The following DSCAM variants were observed in gnomAD, a reference collection of about 807,000 sequenced individuals.
The protein encoded by DSCAM is cell adhesion molecule DSCAM.
Under a neutral mutation model 217.7 loss-of-function variants are expected in DSCAM, and 47 were observed. That is an observed-to-expected ratio of 0.22 (90% confidence interval 0.17 to 0.28). The LOEUF is 0.28. Ranked by LOEUF, DSCAM falls within the 10% of genes least tolerant of loss-of-function variation. The probability of loss-of-function intolerance (pLI) is 1.00; values close to 1 mark genes in which losing one functional copy is unlikely to be tolerated. For missense variants in DSCAM, 2,080 were observed against 2,618.3 expected (o/e 0.79, Z 4.49); for synonymous variants, 1,056 against 1,015.3 (o/e 1.04, Z -0.76).
intron 3 of DSCAM, among the ~76,000 whole-genome samples, chr21:40,476,475 A>G (rs1432645591): frequency 6.6e-6 from 1 of 152,250 alleles, no homozygotes; most frequent in Non-Finnish European, 1.5e-5. Flanking sequence ...TATCATAATA[A>G]TATTGATGAT....
chr21:40,312,335 T>C lies in DSCAM; in HGVS notation c.1808A>G (p.Glu603Gly). The change falls in exon 9 of 33, where the codon GAG (glutamate) becomes GGG (glycine). Residue 603 changes from glutamate to glycine, a missense_variant. Around this residue, in one of 5 missense-constraint regions of DSCAM, gnomAD observed 218 missense variants for 364.1 expected, o/e 0.60. Transcript: ENST00000400454. Reference protein sequence around the residue: ...VKVPPFIQPFEFPRFSIGQRV... With the variant: ...VKVPPFIQPFGFPRFSIGQRV... ...CTGCCCAATGGAGAATCTTGGAAACTCAAAGGGTTGTATGAAAGGCGGAAC... is the reference window on the plus strand; with the variant it reads ...CTGCCCAATGGAGAATCTTGGAAACCCAAAGGGTTGTATGAAAGGCGGAAC... The C allele has an allele frequency of 6.2e-7, 1 of 1,613,906 alleles. No homozygotes were observed. The highest frequency in any genetic ancestry group is 1.3e-5 in the African/African-American group (1 of 75,004).
At chr21:40,243,956 C>A (rs928675478) in intron 11 of DSCAM, among the ~76,000 whole-genome samples, 3 of 152,102 alleles carry the variant, frequency 2.0e-5, no homozygotes, top group Non-Finnish European at 4.4e-5. Context: ...GTCCTGTCAA[C>A]CCCAGAAAGC....
intron 30 of DSCAM, among the ~76,000 whole-genome samples, chr21:40,051,050 C>T (rs59254068): frequency 0.029 from 4,397 of 152,196 alleles, 215 homozygotes; most frequent in African/African-American, 0.1. Flanking sequence ...CACTGCATTT[C>T]GCAAATGCTT....
chr21:40,781,529 G>C (rs2091544302), intron 1 of DSCAM, among the ~76,000 whole-genome samples: 1 of 152,122 alleles, frequency 6.6e-6, no homozygotes, highest in African/African-American at 2.4e-5. Flanking sequence ...CAGTATTTGA[G>C]GGATGGAAAA....
At chr21:40,722,282 C>T (rs1345197045) in intron 1 of DSCAM, among the ~76,000 whole-genome samples, 2 of 152,062 alleles carry the variant, frequency 1.3e-5, no homozygotes, top group Non-Finnish European at 2.9e-5. Context: ...CATATTTTCT[C>T]ACTTTAAATC....
At chr21:40,467,422 T>C (rs2075854132) in intron 3 of DSCAM, among the ~76,000 whole-genome samples, 2 of 152,272 alleles carry the variant, frequency 1.3e-5, no homozygotes, top group Admixed American at 6.5e-5. Flanking sequence ...TGCAGAAGTT[T>C]TCAAATGACT....
At chr21:40,062,184 T>C (rs555956821) in intron 28 of DSCAM, among the ~76,000 whole-genome samples, 1 of 152,324 alleles carries the variant, frequency 6.6e-6, no homozygotes, top group South Asian at 2.1e-4. Flanking sequence ...GTCACAGCTT[T>C]GCCAATCACA....
chr21:40,298,173 C>G (rs778359174), intron 9 of DSCAM, among the ~76,000 whole-genome samples: 3 of 151,420 alleles, frequency 2.0e-5, no homozygotes, highest in Non-Finnish European at 2.9e-5. Flanking sequence ...CTTCCACCTC[C>G]CAGGTTCAAG....
chr21:40,095,294 G>A (rs1274729987), intron 20 of DSCAM, among the ~76,000 whole-genome samples: 1 of 152,140 alleles, frequency 6.6e-6, no homozygotes, highest in Non-Finnish European at 1.5e-5. Context: ...GGGAATTATG[G>A]GAGCTATATA....
chr21:40,689,157 C>A (rs187168301), intron 3 of DSCAM, among the ~76,000 whole-genome samples: 39 of 152,336 alleles, frequency 2.6e-4, no homozygotes, highest in African/African-American at 9.1e-4. Context: ...GTGAGACATA[C>A]TAATAGAAAC....
chr21:40,074,290 C>T (rs1008616791), intron 27 of DSCAM, among the ~76,000 whole-genome samples: 4 of 152,102 alleles, frequency 2.6e-5, no homozygotes, highest in South Asian at 2.1e-4. Context: ...TACACGTTAC[C>T]GAAAAAGTGG....
chr21:40,685,950 AAAAC>A (rs1012206920), intron 3 of DSCAM, among the ~76,000 whole-genome samples: 1 of 124,958 alleles, frequency 8.0e-6, no homozygotes, highest in African/African-American at 2.7e-5. Flanking sequence ...AACAAAAACA[AAAAC>A]AAAAACAGAG....
chr21:40,677,628 T>C (rs191144035), intron 3 of DSCAM, among the ~76,000 whole-genome samples: 87 of 152,318 alleles, frequency 5.7e-4, no homozygotes, highest in Non-Finnish European at 9.0e-4. Flanking sequence ...TCTATTTCCC[T>C]GCCTCCCAAA....
At chr21:40,348,525 A>G (rs1471530044) in intron 5 of DSCAM, among the ~76,000 whole-genome samples, 1 of 120,944 alleles carries the variant, frequency 8.3e-6, no homozygotes, top group African/African-American at 3.1e-5. Context: ...ATATCCCATA[A>G]AGTTCCTATC....
At chr21:40,727,213 C>T (rs1463274639) in intron 1 of DSCAM, among the ~76,000 whole-genome samples, 1 of 152,142 alleles carries the variant, frequency 6.6e-6, no homozygotes, top group Non-Finnish European at 1.5e-5. Flanking sequence ...ATTTAGGAGT[C>T]TCAAACACGC....
chr21:40,098,878 C>A (rs1405391297), intron 20 of DSCAM, among the ~76,000 whole-genome samples: 4 of 152,162 alleles, frequency 2.6e-5, no homozygotes, highest in African/African-American at 7.2e-5. Flanking sequence ...CCTCCACCCC[C>A]CTCCCACTAC....
At chr21:40,525,361 TA>T (rs1438947221) in intron 3 of DSCAM, among the ~76,000 whole-genome samples, 6 of 152,152 alleles carry the variant, frequency 3.9e-5, no homozygotes, top group Non-Finnish European at 7.4e-5. Flanking sequence ...TGGACAGTGG[TA>T]TAGTCAGAAC....
At chr21:40,626,657 G>A (rs768249829) in intron 3 of DSCAM, among the ~76,000 whole-genome samples, 3 of 152,092 alleles carry the variant, frequency 2.0e-5, no homozygotes, top group Non-Finnish European at 4.4e-5. Flanking sequence ...CACTTATGTG[G>A]CTCGTTCTTT....
intron 3 of DSCAM, among the ~76,000 whole-genome samples, chr21:40,568,738 CA>C: frequency 6.6e-6 from 1 of 152,010 alleles, no homozygotes; most frequent in East Asian, 1.9e-4. Context: ...AATAAAATAC[CA>C]GCATTTTAAT....
Sources: gnomAD v4.1 joint callset for allele counts (sites outside exome capture counted in the v4.1 genomes callset) on GRCh38, gnomAD v4.1.1 for gene constraint, gnomAD v4.1.1 regional missense constraint, MANE v1.5 for transcripts, NCBI Gene and HGNC (gene_info 2026-07-23, HGNC 2026-07-21) for gene names.